TNR: variants seen among roughly 807,000 people sequenced by gnomAD.
TNR encodes the protein tenascin R, also known as tenascin-R.
A neutral mutation model predicts 150.4 loss-of-function variants in TNR; 45 were observed. That is an observed-to-expected ratio of 0.30 (90% CI 0.24 to 0.38). TNR has a LOEUF of 0.38. TNR is among the 10% of genes least tolerant of loss of function. TNR has a pLI of 1.00. For missense variants in TNR, 1,544 were observed against 1,759.1 expected, an observed-to-expected ratio of 0.88 and a Z score of 2.19; for synonymous variants, 687 against 678.4, an observed-to-expected ratio of 1.01 and a Z score of -0.20.
chr1:175,610,640 T>C lies in TNR; in HGVS notation c.-164-82271A>G, dbSNP rs77104804. On this transcript the variant is annotated intron_variant, in intron 1 of 22. Transcript: ENST00000367674. The stretch of plus-strand genomic sequence containing the variant: ...GGTTCTTTCCAGTCTTGTTTACTCC[T>C]CCCTATAAAGGAAAGTTATTTTTGC... 7.5e-3 allele frequency among the ~76,000 whole-genome samples: 1,140 copies of C among 152,328 alleles called. 11 individuals are homozygous for C. Among genetic ancestry groups the C allele is most frequent in the African/African-American group, 0.025 (1,048 of 41,562 alleles).
At chr1:175,715,948 G>A (rs1008323351) in intron 1 of TNR, among the ~76,000 whole-genome samples, 5 of 152,178 alleles carry the variant, frequency 3.3e-5, no homozygotes, top group African/African-American at 4.8e-5. Flanking sequence ...GTGAAGCTTC[G>A]TGTCTGAGCA....
intron 1 of TNR, among the ~76,000 whole-genome samples, chr1:175,660,336 C>T (rs1665323862): frequency 1.3e-5 from 2 of 152,202 alleles, no homozygotes; most frequent in Non-Finnish European, 1.5e-5. Context: ...CGCACATGGG[C>T]TGGGAATAGC....
At chr1:175,689,554 T>G (rs57848952) in intron 1 of TNR, among the ~76,000 whole-genome samples, 1 of 152,108 alleles carries the variant, frequency 6.6e-6, no homozygotes, top group East Asian at 1.9e-4. Flanking sequence ...CCTGGGGTGA[T>G]AGAGAATCAA....
intron 1 of TNR, among the ~76,000 whole-genome samples, chr1:175,728,319 C>T (rs1298578830): frequency 2.0e-5 from 3 of 152,170 alleles, no homozygotes; most frequent in South Asian, 4.1e-4. Flanking sequence ...GGCCTGAAGT[C>T]AAGACTTTGG....
chr1:175,483,431 C>T (rs763164037), intron 2 of TNR, among the ~76,000 whole-genome samples: 1 of 152,132 alleles, frequency 6.6e-6, no homozygotes, highest in Admixed American at 6.5e-5. Flanking sequence ...CATGTCCCAG[C>T]AAGGGCTCCT....
At chr1:175,674,514 GA>G (rs1260729928) in intron 1 of TNR, among the ~76,000 whole-genome samples, 1 of 152,318 alleles carries the variant, frequency 6.6e-6, no homozygotes, top group East Asian at 1.9e-4. Context: ...ATGTGCACAT[GA>G]ATGTGCACAC....
chr1:175,725,165 G>C (rs1396002923), intron 1 of TNR, among the ~76,000 whole-genome samples: 1 of 152,066 alleles, frequency 6.6e-6, no homozygotes, highest in African/African-American at 2.4e-5. Flanking sequence ...AAAGCAACAG[G>C]CCCCTTTCCA....
At chr1:175,366,534 T>C (rs1033024279) in intron 10 of TNR, among the ~76,000 whole-genome samples, 3 of 152,230 alleles carry the variant, frequency 2.0e-5, no homozygotes, top group Non-Finnish European at 4.4e-5. Context: ...CCTCCAACCC[T>C]GAGGCTATTT....
intron 2 of TNR, among the ~76,000 whole-genome samples, chr1:175,502,693 A>C (rs1156688926): frequency 6.6e-6 from 1 of 152,210 alleles, no homozygotes; most frequent in Non-Finnish European, 1.5e-5. Flanking sequence ...TAAAGCAATG[A>C]ATAAGAGTTA....
At chr1:175,418,764 G>A (rs1654622968) in intron 2 of TNR, among the ~76,000 whole-genome samples, 1 of 152,038 alleles carries the variant, frequency 6.6e-6, no homozygotes, top group Non-Finnish European at 1.5e-5. Context: ...GAGAATGAGG[G>A]GAGTCATGTT....
Position 175,318,731 on chromosome 1 carries a change from T to G in TNR, c.*4626A>C, listed in dbSNP as rs1199403037. The G allele has an allele frequency of 6.6e-6, 1 of 152,106 alleles. No individual in the cohort carries two copies. The highest frequency in any genetic ancestry group is 1.5e-5 in the Non-Finnish European group (1 of 68,020). 9.4% of individuals were successfully genotyped at this position (152,106 alleles called of 1,614,324 possible). A position where few individuals can be genotyped will look rare whatever the true frequency, so the allele number is the denominator to read the frequency against. On this transcript the variant is annotated 3_prime_UTR_variant, in exon 23 of 23. Coordinates refer to ENST00000367674, the MANE Select transcript of TNR (RefSeq NM_003285.3). Reference sequence around the variant, plus strand: ...CTGTAACTCAGCTTTCTTTAGAGGATAGACCCTCTCTGTCATGGTAACCTG... The same window carrying G: ...CTGTAACTCAGCTTTCTTTAGAGGAGAGACCCTCTCTGTCATGGTAACCTG...
At chr1:175,677,922 G>A (rs891138755) in intron 1 of TNR, among the ~76,000 whole-genome samples, 1 of 152,126 alleles carries the variant, frequency 6.6e-6, no homozygotes, top group African/African-American at 2.4e-5. Flanking sequence ...AGAGAGGAAA[G>A]AGAAGCCAGG....
At chr1:175,476,344 G>A (rs1020773607) in intron 2 of TNR, among the ~76,000 whole-genome samples, 1 of 152,216 alleles carries the variant, frequency 6.6e-6, no homozygotes, top group African/African-American at 2.4e-5. Context: ...AGTAGGTGAT[G>A]TATGGCAAAA....
intron 20 of TNR, chr1:175,333,317 T>G (rs1022211791): frequency 6.6e-6 from 1 of 152,214 alleles, no homozygotes; most frequent in Non-Finnish European, 1.5e-5. Context: ...GTTTATGTAT[T>G]TCAGAAAATA....
At chr1:175,369,854 G>C (rs1263291408) in intron 9 of TNR, among the ~76,000 whole-genome samples, 3 of 152,142 alleles carry the variant, frequency 2.0e-5, no homozygotes, top group Non-Finnish European at 1.5e-5. Flanking sequence ...GGCAGCCAGG[G>C]GGTTCTTCAT....
rs1447489633 is a variant in TNR at position 175,426,941 on chromosome 1, TTA to T, written c.-63-20166_-63-20165del. Among the ~76,000 whole-genome samples the T allele has an allele frequency of 2.8e-4, 24 of 85,750 alleles. 3 individuals are homozygous for T. The highest frequency in any genetic ancestry group is 2.8e-3 in the East Asian group (5 of 1,796). 56.3% of individuals were successfully genotyped at this position (85,750 alleles called of 152,430 possible). A position where few individuals can be genotyped will look rare whatever the true frequency, so the allele number is the denominator to read the frequency against. ...AAAATATAAATATATATAAAATATATTATATATATATTATATATAAAATATAT... is the reference window on the plus strand; with the variant it reads ...AAAATATAAATATATATAAAATATATTATATATATTATATATAAAATATAT... On this transcript the variant is annotated intron_variant, in intron 2 of 22. Transcript: ENST00000367674.
intron 14 of TNR, among the ~76,000 whole-genome samples, chr1:175,361,604 G>A (rs1024641864): frequency 2.6e-5 from 4 of 152,184 alleles, no homozygotes; most frequent in African/African-American, 7.2e-5. Flanking sequence ...CTGAGCTTCC[G>A]AGAACATCTA....
intron 2 of TNR, among the ~76,000 whole-genome samples, chr1:175,520,031 T>TA (rs552836399): frequency 1.2e-3 from 187 of 152,308 alleles, no homozygotes; most frequent in Non-Finnish European, 1.7e-3. Flanking sequence ...TTCTTATCTA[T>TA]AAAATGGAGA....
chr1:175,671,632 A>G (rs1665699138), intron 1 of TNR, among the ~76,000 whole-genome samples: 1 of 152,254 alleles, frequency 6.6e-6, no homozygotes, highest in African/African-American at 2.4e-5. Context: ...AATGTTCAGT[A>G]TAAGTATGTT....
Sources: allele counts gnomAD v4.1 joint callset (sites outside exome capture counted in the v4.1 genomes callset), GRCh38; gene constraint gnomAD v4.1.1; transcripts MANE v1.5; gene names NCBI Gene and HGNC (gene_info 2026-07-23, HGNC 2026-07-21).